Variants in SLC17A1 observed in about 807,000 individuals in gnomAD.
SLC17A1 encodes the protein sodium-dependent phosphate transport protein 1.
A neutral mutation model predicts 53.5 loss-of-function variants in SLC17A1; 51 were observed. The ratio of observed to expected loss-of-function variants is 0.95; its 90% CI spans 0.76 to 1.20. SLC17A1 has a LOEUF of 1.20. Among genes scored for constraint, SLC17A1 ranks in the 50% most tolerant of loss-of-function variants. The probability of loss-of-function intolerance (pLI) is 0.00; values close to 1 mark genes in which losing one functional copy is unlikely to be tolerated. For missense variants in SLC17A1, 538 were observed against 568.2 expected (o/e 0.95, Z 0.54); for synonymous variants, 179 against 198.8 (o/e 0.90, Z 0.84).
At chr6:25,769,544 T>A in the SLC17A1 span, among the ~76,000 whole-genome samples, 7 of 146,716 alleles carry the variant, frequency 4.8e-5, no homozygotes, top group African/African-American at 1.8e-4. Context: ...GGTGACAGAG[T>A]GAGATTCTGT....
intron 2 of SLC17A1, among the ~76,000 whole-genome samples, chr6:25,828,376 T>C (rs1465715827): frequency 6.6e-6 from 1 of 152,164 alleles, no homozygotes; most frequent in Non-Finnish European, 1.5e-5. Flanking sequence ...CTACTGCACA[T>C]TCATAGTTAA....
intron 6 of SLC17A1, among the ~76,000 whole-genome samples, chr6:25,815,498 CTTCTT>C (rs1035527444): frequency 2.0e-5 from 3 of 152,050 alleles, no homozygotes; most frequent in Non-Finnish European, 4.4e-5. Context: ...AAAGCTTTCT[CTTCTT>C]TTCCCCTTTC....
chr6:25,766,662 G>A, the SLC17A1 span, among the ~76,000 whole-genome samples: 3 of 152,090 alleles, frequency 2.0e-5, no homozygotes, highest in African/African-American at 7.2e-5. Flanking sequence ...TTACCTCCAT[G>A]GCCTTCCTCT....
chr6:25,822,790 A>G (rs1031561297), intron 3 of SLC17A1, among the ~76,000 whole-genome samples: 13 of 152,196 alleles, frequency 8.5e-5, no homozygotes, highest in African/African-American at 3.1e-4. Flanking sequence ...ACTTTATATG[A>G]AATAGATTTT....
chr6:25,767,958 C>A, the SLC17A1 span, among the ~76,000 whole-genome samples: 4 of 152,100 alleles, frequency 2.6e-5, no homozygotes, highest in South Asian at 8.3e-4. Flanking sequence ...TTTGTGAAGG[C>A]CTTAACTGAA....
the SLC17A1 span, among the ~76,000 whole-genome samples, chr6:25,735,354 G>A: frequency 1.3e-5 from 2 of 152,196 alleles, no homozygotes; most frequent in African/African-American, 4.8e-5. Context: ...GCCCAGAAGG[G>A]ACATAAGTAC....
intron 12 of SLC17A1, chr6:25,798,521 A>C (rs1271746174): frequency 3.1e-6 from 1 of 320,496 alleles, no homozygotes; most frequent in African/African-American, 2.1e-5. Flanking sequence ...GGCCCTTCCC[A>C]GTCTTTTTTG....
At chr6:25,785,144 C>A (rs563488805) in intron 12 of SLC17A1, among the ~76,000 whole-genome samples, 7 of 152,100 alleles carry the variant, frequency 4.6e-5, no homozygotes, top group Admixed American at 6.5e-5. Context: ...GAAAACAATT[C>A]AATTTCAAGT....
At chr6:25,777,224 T>A in the SLC17A1 span, 3,653 of 414,666 alleles carry the variant, frequency 8.8e-3, 125 homozygotes, top group African/African-American at 0.062. Flanking sequence ...AACCTCTCTC[T>A]GTTGAGGAAT....
the SLC17A1 span, among the ~76,000 whole-genome samples, chr6:25,774,585 A>G: frequency 6.6e-6 from 1 of 152,316 alleles, no homozygotes; most frequent in Middle Eastern, 3.4e-3. Flanking sequence ...ATTAAACCAG[A>G]ACCTTAATCC....
chr6:25,771,136 C>T, the SLC17A1 span: 1 of 770,262 alleles, frequency 1.3e-6, no homozygotes, highest in Non-Finnish European at 2.2e-6. Context: ...GTGTTCAGAG[C>T]CAACTACATT....
the SLC17A1 span, chr6:25,777,117 ACT>A: frequency 2.4e-6 from 2 of 825,686 alleles, no homozygotes; most frequent in South Asian, 4.2e-5. Context: ...CCTGGAAGAG[ACT>A]CAAAGCTGGT....
chr6:25,793,693 A>T (rs1416134223), intron 12 of SLC17A1, among the ~76,000 whole-genome samples: 1 of 152,162 alleles, frequency 6.6e-6, no homozygotes, highest in Non-Finnish European at 1.5e-5. Flanking sequence ...AATATTAGAT[A>T]GCAGGGATTC....
At chr6:25,817,781 G>A (rs1018340011) in intron 6 of SLC17A1, among the ~76,000 whole-genome samples, 1 of 152,168 alleles carries the variant, frequency 6.6e-6, no homozygotes, top group African/African-American at 2.4e-5. Flanking sequence ...AAACAGGTCT[G>A]CATTTTATTT....
the SLC17A1 span, among the ~76,000 whole-genome samples, chr6:25,755,261 G>C: frequency 6.6e-6 from 1 of 152,128 alleles, no homozygotes; most frequent in Non-Finnish European, 1.5e-5. Context: ...AAAACCAAAC[G>C]GTTCTGGTTT....
At chr6:25,823,325 T>A (rs1458990390) in intron 3 of SLC17A1, among the ~76,000 whole-genome samples, 2 of 152,160 alleles carry the variant, frequency 1.3e-5, no homozygotes, top group African/African-American at 4.8e-5. Context: ...TTCTCTTCAG[T>A]AAATAACTAG....
chr6:25,757,556 C>A, the SLC17A1 span, among the ~76,000 whole-genome samples: 2 of 152,092 alleles, frequency 1.3e-5, no homozygotes, highest in African/African-American at 4.8e-5. Context: ...CCCCTGCCCC[C>A]CAACCCGCTG....
the SLC17A1 span, chr6:25,776,517 G>T: frequency 6.7e-7 from 1 of 1,500,984 alleles, no homozygotes; most frequent in South Asian, 1.4e-5. Context: ...CACAAATGTG[G>T]ACAGTCTGTC....
At chr6:25,748,435 A>T in the SLC17A1 span, among the ~76,000 whole-genome samples, 1 of 152,216 alleles carries the variant, frequency 6.6e-6, no homozygotes, top group African/African-American at 2.4e-5. Context: ...ATAAAACACC[A>T]ATAAACTATT....
Sources: allele counts gnomAD v4.1 joint callset (sites outside exome capture counted in the v4.1 genomes callset), GRCh38; gene constraint gnomAD v4.1.1; transcripts MANE v1.5; gene names NCBI Gene and HGNC (gene_info 2026-07-23, HGNC 2026-07-21).